FAM163A: variants seen among roughly 807,000 people sequenced by gnomAD.
FAM163A encodes the protein protein FAM163A.
FAM163A carries 7 observed loss-of-function variants against 12.0 expected under a neutral mutation model. That is an observed-to-expected ratio of 0.58 (90% CI 0.33 to 1.10). The LOEUF (loss-of-function observed/expected upper bound fraction) is 1.10, where lower values mean the gene tolerates loss of function less well. Ranked by LOEUF, FAM163A falls within the 50% of genes least tolerant of loss-of-function variation. The pLI is 0.03. For synonymous variants in FAM163A, 101 were observed against 91.0 expected (o/e 1.11, Z -0.62); for missense variants, 202 against 218.6 (o/e 0.92, Z 0.48).
intron 1 of FAM163A, among the ~76,000 whole-genome samples, chr1:179,789,962 A>C (rs2148239427): frequency 6.6e-6 from 1 of 152,336 alleles, no homozygotes; most frequent in South Asian, 2.1e-4. Flanking sequence ...AGTGGGCAAT[A>C]GCAACCCCCA....
intron 1 of FAM163A, among the ~76,000 whole-genome samples, chr1:179,805,540 G>A (rs1298791160): frequency 8.1e-5 from 12 of 148,448 alleles, no homozygotes; most frequent in African/African-American, 2.2e-4. Context: ...CCAAAACTCC[G>A]TCTCAAAAAA....
chr1:179,761,386 A>G (rs1475592290), intron 1 of FAM163A, among the ~76,000 whole-genome samples: 1 of 152,238 alleles, frequency 6.6e-6, no homozygotes, highest in Non-Finnish European at 1.5e-5. Flanking sequence ...CTGGCTGGTG[A>G]CCGTGACTGC....
At chr1:179,775,048 T>TC (rs1204901672) in intron 1 of FAM163A, among the ~76,000 whole-genome samples, 1 of 152,124 alleles carries the variant, frequency 6.6e-6, no homozygotes, top group Non-Finnish European at 1.5e-5. Flanking sequence ...GAAAGTACAC[T>TC]CCACATTGTG....
the FAM163A span, among the ~76,000 whole-genome samples, chr1:179,728,109 C>T: frequency 6.6e-6 from 1 of 152,286 alleles, no homozygotes; most frequent in African/African-American, 2.4e-5. Context: ...GCCCCTCTGA[C>T]ATGCTGAGCC....
chr1:179,733,158 A>G, the FAM163A span, among the ~76,000 whole-genome samples: 3 of 152,174 alleles, frequency 2.0e-5, no homozygotes, highest in Non-Finnish European at 4.4e-5. Context: ...CATGGTGCCT[A>G]GCATCCCCCA....
chr1:179,730,182 C>T, the FAM163A span: 1 of 152,282 alleles, frequency 6.6e-6, no homozygotes, highest in Non-Finnish European at 1.5e-5. Flanking sequence ...CTTGCAAGCA[C>T]TGAGTGCCAT....
chr1:179,732,504 T>C, the FAM163A span, among the ~76,000 whole-genome samples: 15 of 152,294 alleles, frequency 9.8e-5, no homozygotes, highest in African/African-American at 2.9e-4. Flanking sequence ...AGCCAGCACA[T>C]TGTTTTTTAA....
chr1:179,791,985 GCT>G (rs1236531808), intron 1 of FAM163A, among the ~76,000 whole-genome samples: 1 of 152,068 alleles, frequency 6.6e-6, no homozygotes, highest in East Asian at 1.9e-4. Flanking sequence ...TAAGTTGAAG[GCT>G]CACTCTGCCA....
intron 1 of FAM163A, among the ~76,000 whole-genome samples, chr1:179,762,809 G>A (rs1383639004): frequency 2.0e-5 from 3 of 152,226 alleles, no homozygotes; most frequent in Admixed American, 6.5e-5. Context: ...AACACACACT[G>A]TGGGGGCCTA....
chr1:179,806,547 T>C (rs80100483), intron 1 of FAM163A, among the ~76,000 whole-genome samples: 2,331 of 152,352 alleles, frequency 0.015, 29 homozygotes, highest in African/African-American at 0.036. Context: ...TGAGGCATCA[T>C]GCTAATGTCT....
In FAM163A at chr1:179,752,209, C is replaced by G. The variant is rs1013663541; in HGVS notation, c.-136+8786C>G. 3.3e-5 allele frequency among the ~76,000 whole-genome samples: 5 copies of G among 152,232 alleles called. No homozygotes were observed. The South Asian group carries it at 1.0e-3, about 32-fold the overall frequency. On this transcript the variant is annotated intron_variant, in intron 1 of 4. Transcript: ENST00000341785. ...ATACGCAAAGTGGAAAGGATAGTCT[C>G]TTCAACAAATAGTGTTAGCAAAACT...
chr1:179,752,833 C>G (rs1390979161), intron 1 of FAM163A, among the ~76,000 whole-genome samples: 2 of 152,068 alleles, frequency 1.3e-5, no homozygotes, highest in African/African-American at 4.8e-5. Context: ...AACTCTTGTG[C>G]ACTGTTTGTG....
chr1:179,771,586 C>T (rs558299871), intron 1 of FAM163A, among the ~76,000 whole-genome samples: 17 of 151,944 alleles, frequency 1.1e-4, no homozygotes, highest in East Asian at 3.9e-4. Flanking sequence ...TCTTTGCTTC[C>T]GTCTACACCT....
At chr1:179,801,826 A>C (rs562997545) in intron 1 of FAM163A, among the ~76,000 whole-genome samples, 88 of 152,330 alleles carry the variant, frequency 5.8e-4, no homozygotes, top group Admixed American at 2.2e-3. Flanking sequence ...TGCAGATACC[A>C]GGCAGGCGGC....
intron 1 of FAM163A, among the ~76,000 whole-genome samples, chr1:179,761,410 A>G (rs149588721): frequency 1.1e-3 from 174 of 152,376 alleles, no homozygotes; most frequent in Middle Eastern, 6.8e-3. Flanking sequence ...TTGTAGACAC[A>G]GCAGTCTTTT....
At chr1:179,782,684 G>A (rs73039672) in intron 1 of FAM163A, among the ~76,000 whole-genome samples, 3,347 of 152,252 alleles carry the variant, frequency 0.022, 134 homozygotes, top group African/African-American at 0.077. Context: ...CACCTTCTTG[G>A]TTTGAGAATA....
intron 1 of FAM163A, among the ~76,000 whole-genome samples, chr1:179,760,941 T>C (rs1686731391): frequency 6.6e-6 from 1 of 152,238 alleles, no homozygotes; most frequent in Admixed American, 6.5e-5. Flanking sequence ...CACTCTCTTC[T>C]ACGCCATGTG....
intron 1 of FAM163A, among the ~76,000 whole-genome samples, chr1:179,773,129 G>A (rs1688492644): frequency 6.6e-6 from 1 of 151,496 alleles, no homozygotes; most frequent in African/African-American, 2.4e-5. Flanking sequence ...ATATAGCACT[G>A]TATGATCCAA....
rs200238431 is a variant in FAM163A at position 179,800,726 on chromosome 1, A to C, written c.-135-7072A>C. Among the ~76,000 whole-genome samples the C allele has an allele frequency of 2.3e-3, 356 of 152,276 alleles. 3 individuals carry two copies. The highest frequency in any genetic ancestry group is 5.6e-3 in the South Asian group (27 of 4,812). ...CTTAGCGCTCAGTAAGTAGTAGATG[A>C]AGGATAAATGAGGGGAATAACAGAG... On this transcript the variant is annotated intron_variant, in intron 1 of 4. Coordinates refer to ENST00000341785, the MANE Select transcript of FAM163A (RefSeq NM_173509.3).
Sources: allele counts gnomAD v4.1 joint callset (sites outside exome capture counted in the v4.1 genomes callset), GRCh38; gene constraint gnomAD v4.1.1; transcripts MANE v1.5; gene names NCBI Gene and HGNC (gene_info 2026-07-23, HGNC 2026-07-21).